Variants in BTBD9 observed in about 807,000 individuals in gnomAD.
BTBD9 encodes BTB/POZ domain-containing protein 9.
In BTBD9, 49 loss-of-function variants were observed where a neutral mutation model predicts 64.3. That is an observed-to-expected ratio of 0.76 (90% CI 0.61 to 0.97). The LOEUF (loss-of-function observed/expected upper bound fraction) is 0.97. BTBD9 is among the 50% of genes least tolerant of loss of function. The pLI, the probability that BTBD9 is intolerant of heterozygous loss-of-function variation, is 0.00. For missense variants in BTBD9, 598 were observed against 762.1 expected (o/e 0.78, Z 2.53); for synonymous variants, 260 against 274.7 (o/e 0.95, Z 0.53).
chr6:38,614,049 A>G (rs956627240), intron 1 of BTBD9, among the ~76,000 whole-genome samples: 2 of 152,172 alleles, frequency 1.3e-5, no homozygotes, highest in African/African-American at 4.8e-5. Context: ...TTCACCAGTT[A>G]GTGAGAGCCA....
intron 6 of BTBD9, among the ~76,000 whole-genome samples, chr6:38,516,145 C>A (rs1292340810): frequency 6.6e-5 from 10 of 152,026 alleles, no homozygotes; most frequent in Non-Finnish European, 1.3e-4. Flanking sequence ...AGTAGCCTCA[C>A]CTCAGGGCAG....
chr6:38,634,162 T>A (rs35266471), intron 1 of BTBD9, among the ~76,000 whole-genome samples: 12,959 of 152,272 alleles, frequency 0.085, 684 homozygotes, highest in Middle Eastern at 0.18. Context: ...AAGCTCCAAT[T>A]TAACTCCAAT....
intron 6 of BTBD9, among the ~76,000 whole-genome samples, chr6:38,411,399 T>C (rs1003348015): frequency 6.6e-6 from 1 of 152,164 alleles, no homozygotes; most frequent in Non-Finnish European, 1.5e-5. Flanking sequence ...CCAAACTACA[T>C]TTGAAATTGT....
At chr6:38,343,333 T>C (rs530960182) in intron 7 of BTBD9, among the ~76,000 whole-genome samples, 24 of 152,200 alleles carry the variant, frequency 1.6e-4, no homozygotes, top group Non-Finnish European at 3.4e-4. Flanking sequence ...TCTTTCATAA[T>C]TACAGTGTCC....
At chr6:38,248,618 G>A (rs4714135) in intron 9 of BTBD9, among the ~76,000 whole-genome samples, 4,063 of 152,292 alleles carry the variant, frequency 0.027, 138 homozygotes, top group Admixed American at 0.095. Flanking sequence ...CGAAAGGTAA[G>A]GAAAATGACT....
At chr6:38,568,846 G>A (rs901314918) in intron 6 of BTBD9, among the ~76,000 whole-genome samples, 2 of 152,034 alleles carry the variant, frequency 1.3e-5, no homozygotes, top group Non-Finnish European at 2.9e-5. Context: ...ATACTTCTTC[G>A]CAGGGAGTCT....
chr6:38,301,454 C>T lies in BTBD9; in HGVS notation c.1265-12993G>A, dbSNP rs561196481. On this transcript the variant is annotated intron_variant, in intron 7 of 10. Transcript: ENST00000481247. ...GGAATGGTACCAGCTCCTCCTTGTA[C>T]CTCTGGTAGAATTTGGCTGTGAATC... is the stretch of plus-strand genomic sequence containing the variant. 3.1e-3 allele frequency among the ~76,000 whole-genome samples: 469 copies of T among 152,254 alleles called. 5 individuals are homozygous for T. The highest frequency in any genetic ancestry group is 0.01 in the African/African-American group (434 of 41,544).
intron 6 of BTBD9, among the ~76,000 whole-genome samples, chr6:38,361,106 C>G (rs1764936657): frequency 6.6e-6 from 1 of 152,144 alleles, no homozygotes; most frequent in South Asian, 2.1e-4. Flanking sequence ...TCAGAATCAC[C>G]TGGGGGACTT....
At chr6:38,398,130 T>C (rs1766765443) in intron 6 of BTBD9, among the ~76,000 whole-genome samples, 1 of 152,184 alleles carries the variant, frequency 6.6e-6, no homozygotes, top group Non-Finnish European at 1.5e-5. Context: ...GTTCGATTTT[T>C]ACAACTTTCA....
intron 6 of BTBD9, among the ~76,000 whole-genome samples, chr6:38,408,056 G>A (rs757619054): frequency 4.6e-5 from 7 of 152,172 alleles, no homozygotes; most frequent in Non-Finnish European, 7.3e-5. Flanking sequence ...TGAAGGACAC[G>A]ATTTAAAATC....
At chr6:38,390,300 G>T (rs181409015) in intron 6 of BTBD9, among the ~76,000 whole-genome samples, 2 of 152,222 alleles carry the variant, frequency 1.3e-5, no homozygotes, top group Admixed American at 1.3e-4. Context: ...GGCCAGGCTG[G>T]TCTCGAACTC....
At chr6:38,383,648 C>T (rs943697178) in intron 6 of BTBD9, among the ~76,000 whole-genome samples, 13 of 152,164 alleles carry the variant, frequency 8.5e-5, no homozygotes, top group East Asian at 3.9e-4. Flanking sequence ...TGTTGAATGA[C>T]GGTAAAGAAG....
At chr6:38,613,332 A>T (rs188404254) in intron 1 of BTBD9, among the ~76,000 whole-genome samples, 1 of 152,300 alleles carries the variant, frequency 6.6e-6, no homozygotes, top group Admixed American at 6.5e-5. Flanking sequence ...GCCAGAATTA[A>T]AATCTCAGGC....
chr6:38,199,531 G>GA (rs1416621866), intron 9 of BTBD9, among the ~76,000 whole-genome samples: 45 of 151,900 alleles, frequency 3.0e-4, no homozygotes, highest in African/African-American at 9.2e-4. Flanking sequence ...GAAGGAGACA[G>GA]AAAAAAAACA....
intron 6 of BTBD9, among the ~76,000 whole-genome samples, chr6:38,423,678 C>A (rs1768013828): frequency 6.6e-6 from 1 of 152,130 alleles, no homozygotes; most frequent in South Asian, 2.1e-4. Context: ...ATAAGTAAAT[C>A]TTTCATTTTG....
chr6:38,582,414 C>T (rs1056817914), intron 4 of BTBD9, among the ~76,000 whole-genome samples: 1 of 152,132 alleles, frequency 6.6e-6, no homozygotes, highest in Non-Finnish European at 1.5e-5. Context: ...TTATTACATC[C>T]ATTTCACAGA....
At chr6:38,377,947 T>C (rs539720546) in intron 6 of BTBD9, among the ~76,000 whole-genome samples, 1 of 152,218 alleles carries the variant, frequency 6.6e-6, no homozygotes, top group African/African-American at 2.4e-5. Context: ...ATACAGGTGC[T>C]GCAGAATTTT....
chr6:38,447,478 T>A (rs557014790), intron 6 of BTBD9, among the ~76,000 whole-genome samples: 1 of 152,290 alleles, frequency 6.6e-6, no homozygotes, highest in African/African-American at 2.4e-5. Context: ...CGCACTGACA[T>A]CCTTATTCTA....
At chr6:38,513,655 C>T (rs1772876729) in intron 6 of BTBD9, among the ~76,000 whole-genome samples, 1 of 152,054 alleles carries the variant, frequency 6.6e-6, no homozygotes, top group African/African-American at 2.4e-5. Context: ...CACACATACA[C>T]ACATCATTTA....
Sources: allele counts gnomAD v4.1 joint callset (sites outside exome capture counted in the v4.1 genomes callset), GRCh38; gene constraint gnomAD v4.1.1; transcripts MANE v1.5; gene names NCBI Gene and HGNC (gene_info 2026-07-23, HGNC 2026-07-21).